ZBTB10: variants seen among roughly 807,000 people sequenced by gnomAD.
The protein encoded by ZBTB10 is zinc finger and BTB domain containing 10, also known as zinc finger and BTB domain-containing protein 10.
In ZBTB10, 32 loss-of-function variants were observed where a neutral mutation model predicts 76.4. The ratio of observed to expected loss-of-function variants is 0.42; its 90% CI spans 0.32 to 0.56. The LOEUF (loss-of-function observed/expected upper bound fraction) is 0.56, where lower values mean the gene tolerates loss of function less well. ZBTB10 is among the 20% of genes least tolerant of loss of function. ZBTB10 has a pLI of 0.14. For missense variants in ZBTB10, 1,057 were observed against 1,098.5 expected (o/e 0.96, Z 0.53); for synonymous variants, 523 against 432.9 (o/e 1.21, Z -2.58).
chr8:80,503,965 TC>T (rs1234706250), intron 2 of ZBTB10, among the ~76,000 whole-genome samples: 1 of 152,196 alleles, frequency 6.6e-6, no homozygotes, highest in Non-Finnish European at 1.5e-5. Context: ...ATTTACTCTT[TC>T]CAGGCAAGTT....
In ZBTB10 at chr8:80,515,074, A is replaced by T. The variant is rs74359004; in HGVS notation, c.1960+1066A>T. On this transcript the variant is annotated intron_variant, in intron 3 of 5. Coordinates refer to ENST00000455036, the MANE Select transcript of ZBTB10 (RefSeq NM_001105539.3). ...GGCTAAAGAGGACATTTTGGGGCCA[A>T]CTGGAAATTAGAATATGTAGTGTGT... Among the ~76,000 whole-genome samples, 1,341 of 152,324 alleles carry T rather than the reference A, an allele frequency of 8.8e-3. 20 individuals carry two copies. The highest frequency in any genetic ancestry group is 0.031 in the African/African-American group (1,269 of 41,566).
rs1815887469 is a variant in ZBTB10 at position 80,500,220 on chromosome 8, G to C, written c.1699G>C (p.Gly567Arg). 4.4e-6 allele frequency: 7 copies of C among 1,597,890 alleles called. No individual in the cohort carries two copies. Among genetic ancestry groups the C allele is most frequent in the Non-Finnish European group, 6.0e-6 (7 of 1,171,422 alleles). The change falls in exon 2 of 6, where the codon GGA becomes CGA. Residue 567 changes from glycine to arginine, a missense_variant. Gly to Arg is a moderately radical substitution (Grantham distance 125). Transcript: ENST00000455036. ...TATTTGGAATAATATGGGCTCCCAG[G>C]GAATTCAAGAGACTGGCAAAACAAG... ...VFIWNNMGSQ[G>R]IQETGKTRRK...
rs951626059 is a variant in ZBTB10 at position 80,486,662 on chromosome 8, G to A, written c.-149G>A. On this transcript the variant is annotated 5_prime_UTR_variant, in exon 1 of 6. Coordinates refer to ENST00000455036, the MANE Select transcript of ZBTB10 (RefSeq NM_001105539.3). ...CCCGGGAGCGAGCGCGAGCCGGGCT[G>A]CCGGGCGAGAGGGCGAGGCCGAGCC... 26 of 989,122 alleles carry A rather than the reference G, an allele frequency of 2.6e-5. No homozygotes were observed. In the African/African-American group the frequency reaches 4.4e-4, roughly 17 times the overall value. 61.3% of individuals were successfully genotyped at this position (989,122 alleles called of 1,614,324 possible).
chr8:80,519,366 A>C lies in ZBTB10; in HGVS notation c.2454A>C (p.Glu818Asp), dbSNP rs1816402083. The C allele has an allele frequency of 1.9e-6, 3 of 1,613,656 alleles. No individual in the cohort carries two copies. Among genetic ancestry groups the C allele is most frequent in the Non-Finnish European group, 2.5e-6 (3 of 1,179,764 alleles). The change falls in exon 6 of 6, where the codon GAA becomes GAC. Residue 818 changes from glutamate (E) to aspartate (D), a missense_variant. Glu to Asp is a conservative substitution (Grantham distance 45, BLOSUM62 2). Coordinates refer to ENST00000455036, the MANE Select transcript of ZBTB10 (RefSeq NM_001105539.3). ...ATAAATCACAGCCAGGAGGGCAAGA[A>C]GGTGTAGATCAGGGACAGGATACAG... is the stretch of plus-strand genomic sequence containing the variant. The part of the protein sequence containing the change: ...CADKSQPGGQ[E>D]GVDQGQDTEF...
At chr8:80,504,076 C>T (rs1815991962) in intron 2 of ZBTB10, among the ~76,000 whole-genome samples, 1 of 152,144 alleles carries the variant, frequency 6.6e-6, no homozygotes, top group Non-Finnish European at 1.5e-5. Context: ...ATATTTAGGA[C>T]TATGCTGCAT....
At chr8:80,517,012 G>A (rs1460834157) in intron 3 of ZBTB10, among the ~76,000 whole-genome samples, 5 of 152,120 alleles carry the variant, frequency 3.3e-5, no homozygotes, top group Non-Finnish European at 7.4e-5. Context: ...TATTATGGAC[G>A]AGGAACAGAA....
chr8:80,513,175 C>T (rs1490772981), intron 2 of ZBTB10, among the ~76,000 whole-genome samples: 1 of 151,932 alleles, frequency 6.6e-6, no homozygotes, highest in Non-Finnish European at 1.5e-5. Flanking sequence ...GGGTCTCACT[C>T]TGTCACCCCA....
At chr8:80,489,025 C>T (rs1193976478) in intron 1 of ZBTB10, among the ~76,000 whole-genome samples, 1 of 133,228 alleles carries the variant, frequency 7.5e-6, no homozygotes, top group Non-Finnish European at 1.6e-5. Flanking sequence ...TTGTTTTGCA[C>T]ACATTTTAGT....
intron 1 of ZBTB10, among the ~76,000 whole-genome samples, chr8:80,492,812 A>G (rs546072368): frequency 2.0e-4 from 31 of 152,206 alleles, no homozygotes; most frequent in Non-Finnish European, 3.8e-4. Context: ...TCTACCTGCA[A>G]AGGTTGGAAG....
intron 2 of ZBTB10, among the ~76,000 whole-genome samples, chr8:80,500,947 A>G (rs1163832148): frequency 6.6e-6 from 1 of 152,010 alleles, no homozygotes; most frequent in East Asian, 1.9e-4. Flanking sequence ...TCTCACTGCA[A>G]ACTCCGCCTC....
intron 2 of ZBTB10, among the ~76,000 whole-genome samples, chr8:80,506,156 C>T (rs1191166090): frequency 6.6e-6 from 1 of 151,962 alleles, no homozygotes; most frequent in Non-Finnish European, 1.5e-5. Context: ...TCCCAGACAG[C>T]CTCCCTAATG....
chr8:80,505,547 T>C (rs272616), intron 2 of ZBTB10, among the ~76,000 whole-genome samples: 133 of 152,288 alleles, frequency 8.7e-4, no homozygotes, highest in Middle Eastern at 6.8e-3. Context: ...CACCTAGACT[T>C]ATGATGGAAA....
chr8:80,499,377 C>T, intron 1 of ZBTB10, 117 bp from the exon 2 acceptor site: 1 of 1,154,576 alleles, frequency 8.7e-7, no homozygotes, highest in Non-Finnish European at 1.2e-6. Context: ...CTTGATTACT[C>T]ACAAATTAAT....
chr8:80,515,494 T>C (rs938654845), intron 3 of ZBTB10, among the ~76,000 whole-genome samples: 2 of 152,316 alleles, frequency 1.3e-5, no homozygotes, highest in Middle Eastern at 3.4e-3. Flanking sequence ...AATTAGCAGT[T>C]TGTACGTCAG....
In ZBTB10 at chr8:80,513,958, A is replaced by G. The variant is rs771211012; in HGVS notation, c.1910A>G (p.Asn637Ser). ...GGGCCAGATGGTGATAGGAATGTGA[A>G]TGCAAATTTATTGGCTGAAGCTGGC... ...LSGPDGDRNVNANLLAEAGTS... is the reference protein window; with the variant it reads ...LSGPDGDRNVSANLLAEAGTS... Residue 637 changes from asparagine (N) to serine (S), a missense_variant, in exon 3 of 6, where the codon AAT becomes AGT. By Grantham distance (46) the Asn-to-Ser change is conservative (BLOSUM62 1). Coordinates refer to ENST00000455036, the MANE Select transcript of ZBTB10 (RefSeq NM_001105539.3). 2.5e-6 allele frequency: 4 copies of G among 1,613,694 alleles called. No individual in the cohort carries two copies. The highest frequency in any genetic ancestry group is 3.4e-6 in the Non-Finnish European group (4 of 1,179,712).
intron 1 of ZBTB10, among the ~76,000 whole-genome samples, chr8:80,488,217 A>G (rs950268286): frequency 6.6e-6 from 1 of 152,222 alleles, no homozygotes; most frequent in African/African-American, 2.4e-5. Flanking sequence ...TGAAGAATGG[A>G]TTAAACAGTT....
intron 2 of ZBTB10, among the ~76,000 whole-genome samples, chr8:80,500,969 C>T (rs1448680371): frequency 1.3e-5 from 2 of 152,158 alleles, no homozygotes; most frequent in African/African-American, 2.4e-5. Context: ...CAGGTTCAAA[C>T]GATTCTCCTG....
chr8:80,509,483 A>C lies in ZBTB10; in HGVS notation c.1862-4427A>C, dbSNP rs75806407. ...GCAAATAGTCAGGGAAACCTTTCCA[A>C]CTCAGTCTTGTTTAATTTAGCATTC... On this transcript the variant is annotated intron_variant, in intron 2 of 5. Transcript: ENST00000455036. Among the ~76,000 whole-genome samples the C allele has an allele frequency of 8.8e-3, 1,340 of 152,252 alleles. 7 individuals are homozygous for C. The highest frequency in any genetic ancestry group is 0.031 in the Middle Eastern group (9 of 294).
In ZBTB10 at chr8:80,518,744, T is replaced by C. The variant is rs757997840; in HGVS notation, c.2138-38T>C. 80 of 1,558,182 alleles carry C rather than the reference T, an allele frequency of 5.1e-5. No homozygotes were observed. The East Asian group carries it at 1.8e-3, about 35-fold the overall frequency. On this transcript the variant is annotated intron_variant, in intron 4 of 5. Transcript: ENST00000455036. ...TTTTGATAGCAAGTTTTCTGTTTAATGTGTAATAAGCACTTTCTCTTTTTT... is the reference window on the plus strand; with the variant it reads ...TTTTGATAGCAAGTTTTCTGTTTAACGTGTAATAAGCACTTTCTCTTTTTT...
Sources: allele counts gnomAD v4.1 joint callset (sites outside exome capture counted in the v4.1 genomes callset), GRCh38; gene constraint gnomAD v4.1.1; transcripts MANE v1.5; gene names NCBI Gene and HGNC (gene_info 2026-07-23, HGNC 2026-07-21).